Variants in PARP9 observed in about 807,000 individuals in gnomAD.
The protein encoded by PARP9 is poly(ADP-ribose) polymerase family member 9, also known as protein mono-ADP-ribosyltransferase PARP9.
Under a neutral mutation model 68.8 loss-of-function variants are expected in PARP9, and 48 were observed. The observed-to-expected ratio is 0.70, with a 90% CI of 0.55 to 0.89. The LOEUF (loss-of-function observed/expected upper bound fraction) is 0.89. Among genes scored for constraint, PARP9 ranks in the 40% least tolerant of loss-of-function variants. The probability of loss-of-function intolerance (pLI) is 0.00; values close to 1 mark genes in which losing one functional copy is unlikely to be tolerated. For synonymous variants in PARP9, 309 were observed against 333.8 expected, an observed-to-expected ratio of 0.93 and a Z score of 0.81; for missense variants, 806 against 969.3, an observed-to-expected ratio of 0.83 and a Z score of 2.24.
intron 1 of PARP9, among the ~76,000 whole-genome samples, chr3:122,560,219 T>C (rs1356171749): frequency 6.6e-6 from 1 of 152,180 alleles, no homozygotes; most frequent in Non-Finnish European, 1.5e-5. Context: ...GTATATCTGG[T>C]TAAAAGTCAG....
At chr3:122,542,176 TTTC>T (rs200087799) in intron 7 of PARP9, among the ~76,000 whole-genome samples, 64 of 151,786 alleles carry the variant, frequency 4.2e-4, no homozygotes, top group African/African-American at 1.4e-3. Flanking sequence ...GAAACTTCTT[TTTC>T]TTCTTCTTCT....
intron 6 of PARP9, among the ~76,000 whole-genome samples, chr3:122,548,109 C>A (rs137898501): frequency 5.6e-4 from 85 of 152,306 alleles, no homozygotes; most frequent in African/African-American, 2.0e-3. Flanking sequence ...TCTTCTAAAT[C>A]TGTTTTCAGT....
chr3:122,530,781 T>C (rs1419472306), intron 10 of PARP9, among the ~76,000 whole-genome samples: 2 of 152,060 alleles, frequency 1.3e-5, no homozygotes, highest in African/African-American at 4.8e-5. Flanking sequence ...CGTTTAAAAC[T>C]TCCAGGCTGA....
chr3:122,557,952 A>G (rs2079845115), intron 3 of PARP9, among the ~76,000 whole-genome samples: 2 of 152,180 alleles, frequency 1.3e-5, no homozygotes, highest in South Asian at 4.1e-4. Flanking sequence ...AAATGTGATC[A>G]TTACTTTTAT....
intron 1 of PARP9, among the ~76,000 whole-genome samples, chr3:122,561,457 CA>C (rs77611825): frequency 6.6e-6 from 1 of 151,544 alleles, no homozygotes. Context: ...GACCCTGTCT[CA>C]AAAAAAAGAA....
chr3:122,540,520 G>GTACT lies in PARP9; in HGVS notation c.1713_1716dup (p.Gln573SerfsTer56). 1 of 1,614,128 alleles carries GTACT rather than the reference G, an allele frequency of 6.2e-7. No homozygotes were observed. Among genetic ancestry groups the GTACT allele is most frequent in the East Asian group, 2.2e-5 (1 of 44,884 alleles). ...TCCTTTTTCCTTGCCATTTCCTCCT[G>GTACT]TACTTTACAAAGCATATCTTCAATG... On this transcript the variant is annotated frameshift_variant, in exon 8 of 11. Coordinates refer to ENST00000682323, the MANE Select transcript of PARP9 (RefSeq NM_001146105.2). LOFTEE classifies it high-confidence loss of function.
At chr3:122,529,533 G>A (rs555201350) in intron 10 of PARP9, among the ~76,000 whole-genome samples, 2 of 151,060 alleles carry the variant, frequency 1.3e-5, no homozygotes, top group Non-Finnish European at 2.9e-5. Context: ...GGCTGATCAC[G>A]AGGTCAGGAG....
At chr3:122,559,006 G>A (rs1184757028) in intron 2 of PARP9, among the ~76,000 whole-genome samples, 3 of 152,154 alleles carry the variant, frequency 2.0e-5, no homozygotes, top group African/African-American at 7.2e-5. Flanking sequence ...GCCAGCCACC[G>A]CCAATGCATC....
chr3:122,549,483 T>A (rs964923182), intron 6 of PARP9, among the ~76,000 whole-genome samples: 3 of 151,936 alleles, frequency 2.0e-5, no homozygotes, highest in African/African-American at 7.3e-5. Context: ...GAAAACTGAT[T>A]GAGGAGGAGA....
intron 2 of PARP9, among the ~76,000 whole-genome samples, 199 bp from the exon 3 acceptor site, chr3:122,558,666 C>T (rs1040397756): frequency 1.3e-5 from 2 of 152,210 alleles, no homozygotes; most frequent in Non-Finnish European, 1.5e-5. Flanking sequence ...CAAACATTGG[C>T]CCTATGTCAT....
intron 1 of PARP9, among the ~76,000 whole-genome samples, chr3:122,562,570 G>T (rs1030567241): frequency 6.6e-6 from 1 of 152,108 alleles, no homozygotes; most frequent in Non-Finnish European, 1.5e-5. Flanking sequence ...CATTTACATG[G>T]TTCAAATTTA....
intron 8 of PARP9, among the ~76,000 whole-genome samples, chr3:122,540,010 G>A (rs1163328438): frequency 6.6e-6 from 1 of 152,228 alleles, no homozygotes; most frequent in African/African-American, 2.4e-5. Flanking sequence ...CATTACCAAT[G>A]TATAACTTCA....
At chr3:122,529,226 G>A (rs1296948594) in intron 10 of PARP9, among the ~76,000 whole-genome samples, 3 of 96,012 alleles carry the variant, frequency 3.1e-5, no homozygotes, top group Admixed American at 1.3e-4. Context: ...CAATAAGAGC[G>A]AAACTCTTAA....
chr3:122,555,786 C>G lies in PARP9; in HGVS notation c.385G>C (p.Glu129Gln). 6.2e-7 allele frequency: 1 copy of G among 1,614,082 alleles called. No individual in the cohort carries two copies. ...VKAGGFEIQE[E>Q]SKQFVARYGK... ...TATCTGGCAACAAACTGTTTGCTCT[C>G]TTCTTGGATTTCAAATCCACCAGCT... Residue 129 changes from glutamate to glutamine, a missense_variant, in exon 4 of 11, where the codon GAG becomes CAG. Glu to Gln is a conservative substitution (Grantham distance 29). This residue lies in a region of PARP9 where 680 missense variants were observed against 858.8 expected (regional missense o/e 0.79). Coordinates refer to ENST00000682323, the MANE Select transcript of PARP9 (RefSeq NM_001146105.2).
At position 122,555,759 on chromosome 3, in the gene PARP9, C is replaced by T. The variant is rs775689583; in HGVS notation, c.412G>A (p.Gly138Ser). The T allele has an allele frequency of 4.3e-6, 7 of 1,614,022 alleles. No homozygotes were observed. The highest frequency in any genetic ancestry group is 1.7e-5 in the Admixed American group (1 of 60,000). The change falls in exon 4 of 11, where the codon GGT (glycine) becomes AGT (serine). Residue 138 changes from glycine to serine, a missense_variant. By Grantham distance (56) the Gly-to-Ser change is moderately conservative. Transcript: ENST00000682323. ...EESKQFVARY[G>S]KVSAGEIAVT... ...GCTATCTCACCAGCTGACACTTTAC[C>T]ATATCTGGCAACAAACTGTTTGCTC...
chr3:122,539,729 T>A (rs1215198886), intron 8 of PARP9, among the ~76,000 whole-genome samples: 2 of 152,012 alleles, frequency 1.3e-5, no homozygotes, highest in Non-Finnish European at 2.9e-5. Context: ...CCTGGCTAAT[T>A]TTTTTTGTAT....
intron 4 of PARP9, among the ~76,000 whole-genome samples, 189 bp from the exon 5 acceptor site, chr3:122,552,828 C>G (rs985698841): frequency 1.3e-5 from 2 of 152,030 alleles, no homozygotes; most frequent in African/African-American, 2.4e-5. Context: ...ATGAACGAAG[C>G]TGAATTACAT....
intron 6 of PARP9, among the ~76,000 whole-genome samples, chr3:122,547,070 A>T (rs1411237737): frequency 7.9e-6 from 1 of 127,366 alleles, no homozygotes; most frequent in African/African-American, 2.6e-5. Flanking sequence ...ACATACATAT[A>T]TACACACACA....
chr3:122,556,890 C>T (rs928628695), intron 3 of PARP9, among the ~76,000 whole-genome samples: 1 of 152,150 alleles, frequency 6.6e-6, no homozygotes, highest in Non-Finnish European at 1.5e-5. Context: ...AGTCTTGGCT[C>T]ACTGCAACTT....
Sources: gnomAD v4.1 joint callset for allele counts (sites outside exome capture counted in the v4.1 genomes callset) on GRCh38, gnomAD v4.1.1 for gene constraint, gnomAD v4.1.1 regional missense constraint, MANE v1.5 for transcripts, NCBI Gene and HGNC (gene_info 2026-07-23, HGNC 2026-07-21) for gene names.